The following NDRG3 variants were observed in gnomAD, a reference collection of about 807,000 sequenced individuals.
NDRG3 encodes NDRG family member 3, also known as protein NDRG3.
NDRG3 carries 23 observed loss-of-function variants against 57.2 expected under a neutral mutation model. The ratio of observed to expected loss-of-function variants is 0.40; its 90% CI spans 0.29 to 0.57. The LOEUF is 0.57. Ranked by LOEUF, NDRG3 falls within the 20% of genes least tolerant of loss-of-function variation. The probability of loss-of-function intolerance (pLI) is 0.42; values close to 1 mark genes in which losing one functional copy is unlikely to be tolerated. For missense variants in NDRG3, 384 were observed against 457.3 expected, an observed-to-expected ratio of 0.84 and a Z score of 1.46; for synonymous variants, 132 against 162.6, an observed-to-expected ratio of 0.81 and a Z score of 1.43.
At chr20:36,720,266 G>A (rs1368502977) in intron 2 of NDRG3, among the ~76,000 whole-genome samples, 3 of 151,596 alleles carry the variant, frequency 2.0e-5, no homozygotes, top group Admixed American at 6.6e-5. Context: ...TCTGCCTTCC[G>A]GGTTCAAGTG....
Position 36,695,094 on chromosome 20 carries a change from C to T in NDRG3, c.94-6310G>A, listed in dbSNP as rs569278784. 4.4e-4 allele frequency among the ~76,000 whole-genome samples: 67 copies of T among 152,278 alleles called. No individual in the cohort carries two copies. In the South Asian group the frequency reaches 6.2e-3, roughly 14 times the overall value. ...ATTAATACTTTTACAATTTCTTATGCCAGTCTTTACTGCAATCTCTGAACA... is the reference window on the plus strand; with the variant it reads ...ATTAATACTTTTACAATTTCTTATGTCAGTCTTTACTGCAATCTCTGAACA... On this transcript the variant is annotated intron_variant, in intron 3 of 15. Coordinates refer to ENST00000349004, the MANE Select transcript of NDRG3 (RefSeq NM_032013.4).
At chr20:36,660,438 A>G (rs550853290) in intron 12 of NDRG3, 54 bp from the exon 13 acceptor site, 1 of 1,356,342 alleles carries the variant, frequency 7.4e-7, no homozygotes, top group Non-Finnish European at 1.1e-6. Flanking sequence ...AGGAAAAAAA[A>G]CGAAATAGCT....
chr20:36,660,539 T>C (rs1189521261), intron 12 of NDRG3, among the ~76,000 whole-genome samples, 155 bp from the exon 13 acceptor site: 2 of 140,108 alleles, frequency 1.4e-5, no homozygotes, highest in Admixed American at 6.9e-5. Context: ...GTGGGAGATA[T>C]ATTTATTTAT....
At chr20:36,696,174 G>A (rs916291832) in intron 3 of NDRG3, among the ~76,000 whole-genome samples, 3 of 151,978 alleles carry the variant, frequency 2.0e-5, no homozygotes, top group African/African-American at 7.3e-5. Flanking sequence ...TCGGCTCACT[G>A]CAACCTCTGC....
At chr20:36,694,320 C>G (rs1005719106) in intron 3 of NDRG3, among the ~76,000 whole-genome samples, 1 of 152,200 alleles carries the variant, frequency 6.6e-6, no homozygotes, top group Non-Finnish European at 1.5e-5. Flanking sequence ...CAGTACCAAT[C>G]CTTCTTCCAC....
At chr20:36,661,622 G>A (rs1457404917) in intron 12 of NDRG3, among the ~76,000 whole-genome samples, 5 of 152,160 alleles carry the variant, frequency 3.3e-5, no homozygotes. Flanking sequence ...AAGCCCCAGG[G>A]GTGGAACGGA....
At chr20:36,711,818 G>A (rs958677572) in intron 2 of NDRG3, among the ~76,000 whole-genome samples, 2 of 152,084 alleles carry the variant, frequency 1.3e-5, no homozygotes, top group East Asian at 1.9e-4. Context: ...TCGCTTTGTC[G>A]CCCAGGCTGC....
chr20:36,740,995 G>T (rs1031997278), intron 1 of NDRG3, among the ~76,000 whole-genome samples: 1 of 152,132 alleles, frequency 6.6e-6, no homozygotes, highest in Non-Finnish European at 1.5e-5. Context: ...AGAAAGGTGG[G>T]GGGGGAATCT....
At chr20:36,727,607 T>G (rs1360083508) in intron 1 of NDRG3, among the ~76,000 whole-genome samples, 1 of 150,538 alleles carries the variant, frequency 6.6e-6, no homozygotes, top group African/African-American at 2.4e-5. Context: ...CAGTGGCACA[T>G]CTCAGCTCAC....
chr20:36,698,283 T>C (rs1982971254), intron 3 of NDRG3, among the ~76,000 whole-genome samples: 1 of 151,858 alleles, frequency 6.6e-6, no homozygotes, highest in East Asian at 1.9e-4. Context: ...TTTTTCATAT[T>C]GCTACAAATC....
chr20:36,688,332 A>T (rs1357581509), intron 4 of NDRG3, among the ~76,000 whole-genome samples: 2 of 152,200 alleles, frequency 1.3e-5, no homozygotes, highest in African/African-American at 4.8e-5. Context: ...GCTCACAACA[A>T]AGTTAAGTTC....
intron 3 of NDRG3, among the ~76,000 whole-genome samples, chr20:36,692,058 G>T (rs138567125): frequency 3.4e-4 from 51 of 152,204 alleles, no homozygotes; most frequent in Admixed American, 3.3e-3. Flanking sequence ...CGATAGAAAA[G>T]TAAGAAGACA....
intron 8 of NDRG3, among the ~76,000 whole-genome samples, chr20:36,676,901 C>A (rs1980773690): frequency 6.6e-6 from 1 of 152,270 alleles, no homozygotes; most frequent in Non-Finnish European, 1.5e-5. Flanking sequence ...ACCAGAGCCG[C>A]AGACCCAGGC....
At chr20:36,725,998 G>A (rs1358744742) in intron 1 of NDRG3, among the ~76,000 whole-genome samples, 1 of 147,484 alleles carries the variant, frequency 6.8e-6, no homozygotes, top group East Asian at 2.0e-4. Context: ...GCACAATCAT[G>A]GCTCTCAACC....
chr20:36,682,897 C>G (rs1345422613), intron 6 of NDRG3, among the ~76,000 whole-genome samples: 1 of 150,088 alleles, frequency 6.7e-6, no homozygotes, highest in Non-Finnish European at 1.5e-5. Context: ...GAAACCCCGT[C>G]TCTACTAAAA....
chr20:36,687,480 T>C lies in NDRG3; in HGVS notation c.320+12A>G, dbSNP rs1371834895. The C allele has an allele frequency of 6.2e-7, 1 of 1,611,700 alleles. No individual in the cohort carries two copies. The highest frequency in any genetic ancestry group is 8.5e-7 in the Non-Finnish European group (1 of 1,179,376). On this transcript the variant is annotated intron_variant, in intron 5 of 15. Coordinates refer to ENST00000349004, the MANE Select transcript of NDRG3 (RefSeq NM_032013.4). ...AGTGCACGTCTCCCAGATGATCTTT[T>C]CGTGGCCTTACCCTGTTGGGAAAGA... is the stretch of plus-strand genomic sequence containing the variant.
chr20:36,705,737 CTTTTTCT>C, intron 3 of NDRG3, among the ~76,000 whole-genome samples: 1 of 152,074 alleles, frequency 6.6e-6, no homozygotes, highest in Admixed American at 6.6e-5. Flanking sequence ...CCCATGTTTT[CTTTTTCT>C]TATTTATTTA....
chr20:36,703,134 C>T (rs185996211), intron 3 of NDRG3, among the ~76,000 whole-genome samples: 6 of 152,104 alleles, frequency 3.9e-5, no homozygotes, highest in South Asian at 2.1e-4. Context: ...TGATTATACA[C>T]AAAATAAGTG....
intron 4 of NDRG3, among the ~76,000 whole-genome samples, 172 bp downstream of exon 4, chr20:36,688,507 C>G (rs1981980496): frequency 6.6e-6 from 1 of 152,114 alleles, no homozygotes; most frequent in East Asian, 1.9e-4. Flanking sequence ...AGAATACATT[C>G]CCCTGCACAC....
Sources: gnomAD v4.1 joint callset for allele counts (sites outside exome capture counted in the v4.1 genomes callset) on GRCh38, gnomAD v4.1.1 for gene constraint, MANE v1.5 for transcripts, NCBI Gene and HGNC (gene_info 2026-07-23, HGNC 2026-07-21) for gene names.